TRIM71: variants seen among roughly 807,000 people sequenced by gnomAD.
TRIM71 encodes the protein tripartite motif containing 71, also known as E3 ubiquitin-protein ligase TRIM71.
Under a neutral mutation model 61.2 loss-of-function variants are expected in TRIM71, and 9 were observed. That is an observed-to-expected ratio of 0.15 (90% CI 0.09 to 0.26). TRIM71 has a LOEUF of 0.26. Among genes scored for constraint, TRIM71 ranks in the 10% least tolerant of loss-of-function variants. The pLI, the probability that TRIM71 is intolerant of heterozygous loss-of-function variation, is 1.00. For synonymous variants in TRIM71, 645 were observed against 553.2 expected, an observed-to-expected ratio of 1.17 and a Z score of -2.33; for missense variants, 998 against 1,238.7, an observed-to-expected ratio of 0.81 and a Z score of 2.92.
intron 1 of TRIM71, among the ~76,000 whole-genome samples, chr3:32,826,582 C>CCTTTTTT (rs1696204832): frequency 1.2e-5 from 1 of 83,098 alleles, no homozygotes; most frequent in African/African-American, 5.2e-5. Context: ...CAGGTGAGTT[C>CCTTTTTT]TTTTTTTTTT....
chr3:32,855,401 A>G (rs374604877), intron 1 of TRIM71, among the ~76,000 whole-genome samples: 2 of 152,054 alleles, frequency 1.3e-5, no homozygotes, highest in East Asian at 3.9e-4. Flanking sequence ...GGCAGAGGGA[A>G]TAGCAGGGAG....
intron 1 of TRIM71, among the ~76,000 whole-genome samples, 174 bp downstream of exon 1, chr3:32,819,106 G>C (rs916995752): frequency 1.3e-5 from 2 of 152,234 alleles, no homozygotes; most frequent in African/African-American, 4.8e-5. Context: ...TGGGAAGTAT[G>C]TGGAAGTGGA....
intron 2 of TRIM71, among the ~76,000 whole-genome samples, chr3:32,882,393 A>T (rs2125691183): frequency 1.3e-5 from 2 of 152,284 alleles, no homozygotes; most frequent in South Asian, 4.1e-4. Flanking sequence ...CTAAAAATAT[A>T]GAGGGTGCCG....
chr3:32,876,927 G>A (rs1258692767), intron 2 of TRIM71, among the ~76,000 whole-genome samples: 2 of 152,178 alleles, frequency 1.3e-5, no homozygotes, highest in South Asian at 4.2e-4. Flanking sequence ...TGAGAACCTA[G>A]GCATAAATCC....
At chr3:32,876,700 T>C (rs1394199760) in intron 2 of TRIM71, among the ~76,000 whole-genome samples, 2 of 152,170 alleles carry the variant, frequency 1.3e-5, no homozygotes, top group African/African-American at 4.8e-5. Context: ...GTTGGAGCAT[T>C]ATTGAGAGAA....
chr3:32,836,743 G>A (rs1378934807), intron 1 of TRIM71, among the ~76,000 whole-genome samples: 2 of 152,216 alleles, frequency 1.3e-5, no homozygotes, highest in Admixed American at 1.3e-4. Context: ...TGTGGGTGAA[G>A]AGTAGGTATA....
At chr3:32,835,439 C>T (rs1227182024) in intron 1 of TRIM71, among the ~76,000 whole-genome samples, 2 of 151,818 alleles carry the variant, frequency 1.3e-5, no homozygotes, top group Non-Finnish European at 1.5e-5. Flanking sequence ...TCAATGAATG[C>T]TTAATCAAAA....
chr3:32,830,821 T>A (rs2049011), intron 1 of TRIM71, among the ~76,000 whole-genome samples: 62,015 of 151,990 alleles, frequency 0.41, 14,630 homozygotes, highest in East Asian at 0.59. Flanking sequence ...GGGTTTTTTT[T>A]ATTTGTTTTG....
chr3:32,873,461 A>G (rs1247072082), intron 1 of TRIM71, among the ~76,000 whole-genome samples: 1 of 152,168 alleles, frequency 6.6e-6, no homozygotes, highest in African/African-American at 2.4e-5. Flanking sequence ...ACTTTTCTGG[A>G]TAATGAAGCT....
chr3:32,822,439 C>G (rs1166220452), intron 1 of TRIM71, among the ~76,000 whole-genome samples: 1 of 152,152 alleles, frequency 6.6e-6, no homozygotes, highest in Non-Finnish European at 1.5e-5. Flanking sequence ...ACTCCTGGGA[C>G]TGTCTCCTGG....
chr3:32,851,749 G>A (rs574107904), intron 1 of TRIM71, among the ~76,000 whole-genome samples: 3 of 152,304 alleles, frequency 2.0e-5, no homozygotes, highest in South Asian at 2.1e-4. Flanking sequence ...AAAGTGCTGG[G>A]TTTACAGGTT....
chr3:32,823,736 T>G (rs987383447), intron 1 of TRIM71, among the ~76,000 whole-genome samples: 3 of 145,882 alleles, frequency 2.1e-5, no homozygotes, highest in Non-Finnish European at 3.0e-5. Context: ...GCCATTGCAC[T>G]CCAGCCTGGG....
chr3:32,825,424 T>C (rs1300775396), intron 1 of TRIM71, among the ~76,000 whole-genome samples: 2 of 152,188 alleles, frequency 1.3e-5, no homozygotes, highest in Non-Finnish European at 2.9e-5. Flanking sequence ...TCTGAGTTAT[T>C]TCTGGTGCTA....
intron 1 of TRIM71, among the ~76,000 whole-genome samples, chr3:32,834,026 CAATTT>C (rs930860380): frequency 2.6e-5 from 4 of 151,832 alleles, no homozygotes; most frequent in African/African-American, 7.3e-5. Flanking sequence ...TTCGTTTTTC[CAATTT>C]AATTTAATTT....
intron 3 of TRIM71, among the ~76,000 whole-genome samples, chr3:32,889,403 G>A (rs895189349): frequency 4.6e-5 from 7 of 152,078 alleles, no homozygotes; most frequent in East Asian, 3.9e-4. Flanking sequence ...TCAGCTTCCC[G>A]AGTAGCTGGG....
Position 32,873,796 on chromosome 3 carries a change from C to G in TRIM71, c.853-22C>G, listed in dbSNP as rs532180464. 3.3e-6 allele frequency: 5 copies of G among 1,535,178 alleles called. No individual in the cohort carries two copies. In the East Asian group the frequency reaches 9.2e-5, roughly 28 times the overall value. ...TCCCGTCCTGCATCTCCATTTATGC[C>G]TGTACCCTCTCTTGTCCCCAGGTGC... is the stretch of plus-strand genomic sequence containing the variant. On this transcript the variant is annotated intron_variant, in intron 1 of 3. Transcript: ENST00000383763.
rs1435097615 is a variant in TRIM71 at position 32,896,338 on chromosome 3, G to C, written c.*4527G>C. 8 of 152,184 alleles carry C rather than the reference G, an allele frequency of 5.3e-5. No homozygotes were observed. The highest frequency in any genetic ancestry group is 1.2e-4 in the Non-Finnish European group (8 of 68,028). The allele number at this position is 152,184 out of a possible 1,614,324, so 9.4% of individuals were successfully genotyped here. A position where few individuals can be genotyped will look rare whatever the true frequency, so the allele number is the denominator to read the frequency against. ...GACCCGGCAGGACGTTCATCACCAT[G>C]ATGTTGCAACAATCACTGTTTTGAC... On this transcript the variant is annotated 3_prime_UTR_variant, in exon 4 of 4. Transcript: ENST00000383763.
At chr3:32,846,192 C>T (rs1696472468) in intron 1 of TRIM71, among the ~76,000 whole-genome samples, 1 of 151,610 alleles carries the variant, frequency 6.6e-6, no homozygotes, top group Non-Finnish European at 1.5e-5. Context: ...TCTCCTGCCT[C>T]AGCCTCCTGA....
rs372842147 is a variant in TRIM71, at chr3:32,895,953, C to A, written c.*4142C>A. 1 of 152,410 alleles carries A rather than the reference C, an allele frequency of 6.6e-6. No individual in the cohort carries two copies. Among genetic ancestry groups the A allele is most frequent in the East Asian group, 1.9e-4 (1 of 5,200 alleles). The allele number at this position is 152,410 out of a possible 1,614,324, so 9.4% of individuals were successfully genotyped here. On this transcript the variant is annotated 3_prime_UTR_variant, in exon 4 of 4. Coordinates refer to ENST00000383763, the MANE Select transcript of TRIM71 (RefSeq NM_001039111.3). ...AAGAAATGTTACCATAAATCTACAA[C>A]TGATTTCTCCCAGGAGAAATGTTCT... is the stretch of plus-strand genomic sequence containing the variant.
Sources: allele counts gnomAD v4.1 joint callset (sites outside exome capture counted in the v4.1 genomes callset), GRCh38; gene constraint gnomAD v4.1.1; transcripts MANE v1.5; gene names NCBI Gene and HGNC (gene_info 2026-07-23, HGNC 2026-07-21).